Variants in BBS9 observed in about 807,000 individuals in gnomAD.
BBS9 encodes the protein Bardet-Biedl syndrome 9.
In BBS9, 89 loss-of-function variants were observed where a neutral mutation model predicts 117.7. The observed-to-expected ratio is 0.76, with a 90% CI of 0.64 to 0.90. BBS9 has a LOEUF of 0.90. BBS9 is among the 40% of genes least tolerant of loss of function. The probability of loss-of-function intolerance (pLI) is 0.00; values close to 1 mark genes in which losing one functional copy is unlikely to be tolerated. For synonymous variants in BBS9, 379 were observed against 370.9 expected (o/e 1.02, Z -0.25); for missense variants, 982 against 1,042.2 (o/e 0.94, Z 0.80).
chr7:33,605,169 T>C (rs764977930), intron 22 of BBS9, 26 bp from the exon 23 acceptor site: 1 of 1,600,262 alleles, frequency 6.2e-7, no homozygotes. Context: ...TTCTCTCTCT[T>C]TCTCTCTTAC....
At chr7:33,612,515 C>T (rs927927205) in intron 21 of BBS9, among the ~76,000 whole-genome samples, 4 of 151,910 alleles carry the variant, frequency 2.6e-5, no homozygotes, top group Non-Finnish European at 4.4e-5. Flanking sequence ...TGTACTTTTC[C>T]CCAGGCTGCC....
rs35454084 is a variant in BBS9 at position 33,328,993 on chromosome 7, TTTTATTTA to T, written c.1017-7420_1017-7413del. On this transcript the variant is annotated intron_variant, in intron 9 of 22. Transcript: ENST00000242067. ...TTAAAAAAGGATAAGGTTTTCCTTC[TTTTATTTA>T]TTTATTTATTTATTTATTTATTTAT... Among the ~76,000 whole-genome samples, 498 of 145,442 alleles carry T rather than the reference TTTTATTTA, an allele frequency of 3.4e-3. 4 individuals are homozygous for T. The highest frequency in any genetic ancestry group is 5.5e-3 in the African/African-American group (220 of 39,734).
At chr7:33,331,795 A>G (rs1298768222) in intron 9 of BBS9, among the ~76,000 whole-genome samples, 1 of 152,158 alleles carries the variant, frequency 6.6e-6, no homozygotes, top group African/African-American at 2.4e-5. Flanking sequence ...GCTGGAAGAA[A>G]CCATAGATGA....
At chr7:33,496,933 T>TTAGC (rs1432258867) in intron 19 of BBS9, among the ~76,000 whole-genome samples, 1 of 152,228 alleles carries the variant, frequency 6.6e-6, no homozygotes, top group African/African-American at 2.4e-5. Flanking sequence ...AAGTAAAAGC[T>TTAGC]TAGCCCTGGT....
chr7:33,420,061 G>T (rs532877595), intron 19 of BBS9, among the ~76,000 whole-genome samples: 1 of 152,248 alleles, frequency 6.6e-6, no homozygotes, highest in African/African-American at 2.4e-5. Context: ...TCAATGACCT[G>T]CCCAAAGTTC....
intron 5 of BBS9, among the ~76,000 whole-genome samples, chr7:33,203,372 CA>C (rs1182455489): frequency 6.6e-6 from 1 of 152,148 alleles, no homozygotes; most frequent in African/African-American, 2.4e-5. Flanking sequence ...CCAGAGTTAG[CA>C]TTTCTAACAG....
chr7:33,479,466 T>C (rs1289886442), intron 19 of BBS9, among the ~76,000 whole-genome samples: 7 of 152,246 alleles, frequency 4.6e-5, no homozygotes, highest in Non-Finnish European at 1.0e-4. Context: ...GGCTGCATAG[T>C]ATTCCATGGT....
chr7:33,507,955 A>G (rs566141453), intron 20 of BBS9, among the ~76,000 whole-genome samples: 79 of 152,344 alleles, frequency 5.2e-4, no homozygotes, highest in East Asian at 1.9e-4. Flanking sequence ...TCTAAGTAAG[A>G]AAAATAAAAA....
At chr7:33,613,021 G>A (rs912455536) in intron 21 of BBS9, among the ~76,000 whole-genome samples, 3 of 152,050 alleles carry the variant, frequency 2.0e-5, no homozygotes. Context: ...GGGCACCAGG[G>A]CTCCAAAGAA....
In BBS9 at chr7:33,161,196, G is replaced by A. The variant is rs1028926729; in HGVS notation, c.328+5494G>A. ...GCAGGTTTGTTACATAGGTATACTT[G>A]TGCTATGTCGGTTTGCTGCCACCAT... On this transcript the variant is annotated intron_variant, in intron 4 of 22. Coordinates refer to ENST00000242067, the MANE Select transcript of BBS9 (RefSeq NM_198428.3). Among the ~76,000 whole-genome samples, 12 of 151,924 alleles carry A rather than the reference G, an allele frequency of 7.9e-5. 1 individual carries two copies. Among genetic ancestry groups the A allele is most frequent in the Admixed American group, 2.0e-4 (3 of 15,246 alleles).
intron 5 of BBS9, among the ~76,000 whole-genome samples, chr7:33,194,222 C>A (rs923393588): frequency 2.0e-4 from 30 of 152,144 alleles, no homozygotes; most frequent in Admixed American, 2.0e-4. Flanking sequence ...TCTCCCCTCC[C>A]CTTCCTGGAT....
chr7:33,254,298 T>C (rs1156547176), intron 5 of BBS9, among the ~76,000 whole-genome samples: 1 of 152,186 alleles, frequency 6.6e-6, no homozygotes, highest in Non-Finnish European at 1.5e-5. Context: ...ATTTATTCTG[T>C]GTCTTATGTG....
At chr7:33,311,614 C>T (rs146485596) in intron 9 of BBS9, among the ~76,000 whole-genome samples, 307 of 152,188 alleles carry the variant, frequency 2.0e-3, no homozygotes, top group African/African-American at 7.0e-3. Context: ...GTCAGGAGTT[C>T]GAGACCAGCC....
At chr7:33,203,194 T>G (rs770661162) in intron 5 of BBS9, among the ~76,000 whole-genome samples, 1 of 152,184 alleles carries the variant, frequency 6.6e-6, no homozygotes, top group African/African-American at 2.4e-5. Context: ...TGGGAATACA[T>G]GCTGGCTGAT....
intron 19 of BBS9, among the ~76,000 whole-genome samples, chr7:33,408,044 A>C (rs1184378853): frequency 6.6e-6 from 1 of 152,206 alleles, no homozygotes; most frequent in Non-Finnish European, 1.5e-5. Context: ...CCAGAGGTGG[A>C]GCCTACAGAG....
At chr7:33,558,682 A>G (rs1855647333) in intron 21 of BBS9, among the ~76,000 whole-genome samples, 2 of 152,162 alleles carry the variant, frequency 1.3e-5, no homozygotes, top group Admixed American at 6.5e-5. Context: ...TGAATGGCCA[A>G]CCTGCATTCA....
At chr7:33,405,688 G>T (rs943791030) in intron 19 of BBS9, among the ~76,000 whole-genome samples, 18 of 151,762 alleles carry the variant, frequency 1.2e-4, no homozygotes, top group African/African-American at 4.4e-4. Flanking sequence ...ATCGGTGGTG[G>T]TATCCCTTTT....
chr7:33,405,035 T>C (rs1453207773), intron 19 of BBS9, among the ~76,000 whole-genome samples: 2 of 152,234 alleles, frequency 1.3e-5, no homozygotes, highest in African/African-American at 4.8e-5. Context: ...ACCGAACTTA[T>C]TGAGAGTTTT....
chr7:33,572,655 T>A (rs986132446), intron 21 of BBS9, among the ~76,000 whole-genome samples: 1 of 152,124 alleles, frequency 6.6e-6, no homozygotes, highest in Non-Finnish European at 1.5e-5. Context: ...TGAGATGATG[T>A]CTCATTGTGG....
Sources: allele counts gnomAD v4.1 joint callset (sites outside exome capture counted in the v4.1 genomes callset), GRCh38; gene constraint gnomAD v4.1.1; transcripts MANE v1.5; gene names NCBI Gene and HGNC (gene_info 2026-07-23, HGNC 2026-07-21).